The following SNU13 variants were observed in gnomAD, a reference collection of about 807,000 sequenced individuals.
The protein encoded by SNU13 is small nuclear ribonucleoprotein 13.
Under a neutral mutation model 12.4 loss-of-function variants are expected in SNU13, and 2 were observed. The observed-to-expected ratio is 0.16, with a 90% CI of 0.07 to 0.51. The LOEUF is 0.51. SNU13 is among the 20% of genes least tolerant of loss of function. The pLI, the probability that SNU13 is intolerant of heterozygous loss-of-function variation, is 0.96. For missense variants in SNU13, 66 were observed against 157.8 expected (o/e 0.42, Z 3.12); for synonymous variants, 68 against 66.5 (o/e 1.02, Z -0.11).
intron 1 of SNU13, chr22:41,682,481 C>A: frequency 6.3e-7 from 1 of 1,582,168 alleles, no homozygotes. Context: ...GGAAGTGACG[C>A]CACTGCCGCC....
chr22:41,685,502 C>T (rs1181024332), intron 1 of SNU13, among the ~76,000 whole-genome samples: 6 of 151,708 alleles, frequency 4.0e-5, no homozygotes, highest in Admixed American at 6.6e-5. Context: ...TACAGGCATG[C>T]GCCACCATGC....
At chr22:41,679,137 A>C (rs1470093102) in intron 2 of SNU13, among the ~76,000 whole-genome samples, 1 of 152,162 alleles carries the variant, frequency 6.6e-6, no homozygotes, top group East Asian at 1.9e-4. Flanking sequence ...AGCCGGGCAC[A>C]GTGGCTCACG....
chr22:41,685,593 C>T lies in SNU13; in HGVS notation c.3+3201G>A, dbSNP rs926985206. Among the ~76,000 whole-genome samples, 63 of 151,206 alleles carry T rather than the reference C, an allele frequency of 4.2e-4. No individual in the cohort carries two copies. In the East Asian group the frequency reaches 5.8e-3, roughly 14 times the overall value. ...GGTCTTGAACTCCTGACCTTGTGAT[C>T]CGCCCACCTCAGCCTCCCAAAGCGC... On this transcript the variant is annotated intron_variant, in intron 1 of 2. Transcript: ENST00000401959.
rs2068201421 is a variant in SNU13, at chr22:41,675,170, G to A, written c.150C>T (p.Ile50=). ...NEATKTLNRG[I]SEFIVMAADA... is the part of the protein sequence containing the mutation. Reference sequence around the variant, plus strand: ...CTGCAGCCATCACGATGAACTCAGAGATGCCCCTGTTGAGGGTTTTGGTGG... The same window carrying A: ...CTGCAGCCATCACGATGAACTCAGAAATGCCCCTGTTGAGGGTTTTGGTGG... Residue 50 remains isoleucine, a synonymous_variant, in exon 3 of 3, where the codon ATC becomes ATT. Coordinates refer to ENST00000401959, the MANE Select transcript of SNU13 (RefSeq NM_001003796.2). 2 of 1,613,912 alleles carry A rather than the reference G, an allele frequency of 1.2e-6. No individual in the cohort carries two copies. The highest frequency in any genetic ancestry group is 2.7e-5 in the African/African-American group (2 of 75,054).
intron 2 of SNU13, among the ~76,000 whole-genome samples, chr22:41,678,167 A>G (rs914206159): frequency 9.9e-5 from 15 of 151,812 alleles, no homozygotes; most frequent in South Asian, 2.1e-4. Context: ...GGTAGAGATG[A>G]GGTTTCACCG....
intron 1 of SNU13, among the ~76,000 whole-genome samples, chr22:41,685,481 G>A (rs1211464151): frequency 6.6e-6 from 1 of 151,946 alleles, no homozygotes; most frequent in African/African-American, 2.4e-5. Flanking sequence ...AGCGTCCTGA[G>A]TAGCTGGGAT....
chr22:41,675,768 T>C (rs2068207097), intron 2 of SNU13, among the ~76,000 whole-genome samples: 1 of 150,656 alleles, frequency 6.6e-6, no homozygotes, highest in Admixed American at 6.6e-5. Flanking sequence ...TTTCTTTTTT[T>C]GAGATGGAGT....
At position 41,675,561 on chromosome 22, in the gene SNU13, A is replaced by G. The variant is rs184229105; in HGVS notation, c.125-366T>C. Among the ~76,000 whole-genome samples, 5 of 151,506 alleles carry G rather than the reference A, an allele frequency of 3.3e-5. No homozygotes were observed. The East Asian group carries it at 9.8e-4, about 30-fold the overall frequency. ...CTCAGTCTCCCAAGCAGCTGGGATTACAGGCACGTGCCACTGTGTTTAGCT... is the reference window on the plus strand; with the variant it reads ...CTCAGTCTCCCAAGCAGCTGGGATTGCAGGCACGTGCCACTGTGTTTAGCT... On this transcript the variant is annotated intron_variant, in intron 2 of 2. Transcript: ENST00000401959.
At chr22:41,689,979 C>CA (rs770945331), upstream of SNU13, among the ~76,000 whole-genome samples, 865 of 97,778 alleles carry the variant, frequency 8.8e-3, 3 homozygotes, top group East Asian at 0.017. Flanking sequence ...AACTCGGTCT[C>CA]AAAAAAAAAA....
At chr22:41,681,949 C>T (rs1473106089) in intron 1 of SNU13, among the ~76,000 whole-genome samples, 1 of 152,048 alleles carries the variant, frequency 6.6e-6, no homozygotes, top group Non-Finnish European at 1.5e-5. Context: ...CCTTCCATCT[C>T]ATTCCCACTG....
chr22:41,687,714 G>C (rs1053465111), intron 1 of SNU13: 1 of 152,188 alleles, frequency 6.6e-6, no homozygotes, highest in Admixed American at 6.5e-5. Context: ...CAAATACTGC[G>C]TGCTTACTCT....
chr22:41,687,186 G>A (rs1488245628), intron 1 of SNU13, among the ~76,000 whole-genome samples: 3 of 134,926 alleles, frequency 2.2e-5, no homozygotes, highest in African/African-American at 8.3e-5. Flanking sequence ...CTCAAACTCC[G>A]GACCCCATGA....
chr22:41,685,825 G>A (rs944785988), intron 1 of SNU13, among the ~76,000 whole-genome samples: 4 of 151,674 alleles, frequency 2.6e-5, no homozygotes, highest in Admixed American at 1.3e-4. Flanking sequence ...AAAAATAGCC[G>A]GGCATGGTGG....
intron 2 of SNU13, among the ~76,000 whole-genome samples, chr22:41,678,861 T>C (rs1469161159): frequency 6.6e-6 from 1 of 152,226 alleles, no homozygotes; most frequent in East Asian, 1.9e-4. Context: ...ATAGTTCTCC[T>C]AAATCTCAAA....
At chr22:41,686,116 G>A (rs746470249) in intron 1 of SNU13, among the ~76,000 whole-genome samples, 6 of 151,886 alleles carry the variant, frequency 4.0e-5, no homozygotes, top group Non-Finnish European at 8.8e-5. Context: ...GCCACATCCC[G>A]TCTTTTAACT....
In SNU13 at chr22:41,679,422, G is replaced by A. The variant is rs141653623; in HGVS notation, c.124+822C>T. On this transcript the variant is annotated intron_variant, in intron 2 of 2. Transcript: ENST00000401959. ...AAATACAAAATTAGCTGGACGTGGT[G>A]GTGCATGCCTGTAATCCCAGCTACT... Among the ~76,000 whole-genome samples, 252 of 152,144 alleles carry A rather than the reference G, an allele frequency of 1.7e-3. 9 individuals carry two copies. The East Asian group carries it at 0.034, about 21-fold the overall frequency.
intron 1 of SNU13, among the ~76,000 whole-genome samples, chr22:41,685,193 T>C (rs188404154): frequency 5.3e-5 from 8 of 151,432 alleles, no homozygotes; most frequent in Admixed American, 1.3e-4. Flanking sequence ...TTTTTGTTGT[T>C]GAGACAGGGT....
Position 41,688,858 on chromosome 22 carries a change from G to T in SNU13, c.-62C>A. ...CGCAGCTGACGTTTCAGAAGCACTCGCGTGCACCGGAAAAACTCACAGAAG... is the reference window on the plus strand; with the variant it reads ...CGCAGCTGACGTTTCAGAAGCACTCTCGTGCACCGGAAAAACTCACAGAAG... On this transcript the variant is annotated 5_prime_UTR_variant, in exon 1 of 3. Coordinates refer to ENST00000401959, the MANE Select transcript of SNU13 (RefSeq NM_001003796.2). 1 of 1,534,340 alleles carries T rather than the reference G, an allele frequency of 6.5e-7. No individual in the cohort carries two copies. Among genetic ancestry groups the T allele is most frequent in the African/African-American group, 1.4e-5 (1 of 73,132 alleles).
intron 1 of SNU13, among the ~76,000 whole-genome samples, chr22:41,684,929 T>C (rs2068298276): frequency 6.6e-6 from 1 of 152,042 alleles, no homozygotes; most frequent in African/African-American, 2.4e-5. Context: ...CCAAGGTGGG[T>C]GGCTCTCTTG....
Sources: allele counts gnomAD v4.1 joint callset (sites outside exome capture counted in the v4.1 genomes callset), GRCh38; gene constraint gnomAD v4.1.1; transcripts MANE v1.5; gene names NCBI Gene and HGNC (gene_info 2026-07-23, HGNC 2026-07-21).